Variants in AATF observed in about 807,000 individuals in gnomAD.
AATF encodes the protein protein AATF.
AATF carries 48 observed loss-of-function variants against 63.7 expected under a neutral mutation model. That is an observed-to-expected ratio of 0.75 (90% confidence interval 0.60 to 0.96). The LOEUF (loss-of-function observed/expected upper bound fraction) is 0.96. Among genes scored for constraint, AATF ranks in the 40% least tolerant of loss-of-function variants. The probability of loss-of-function intolerance (pLI) is 0.00; values close to 1 mark genes in which losing one functional copy is unlikely to be tolerated. For missense variants in AATF, 639 were observed against 685.7 expected, an observed-to-expected ratio of 0.93 and a Z score of 0.76; for synonymous variants, 258 against 247.7, an observed-to-expected ratio of 1.04 and a Z score of -0.39.
At position 37,056,727 on chromosome 17, in the gene AATF, G is replaced by C. The variant is rs2071802275; in HGVS notation, c.*63G>C. ...GGTGCGGCTGCTGGTCCAGATGGAG[G>C]AAACCAGTGACTTTATGGGGCTGAG... On this transcript the variant is annotated 3_prime_UTR_variant, in exon 12 of 12. Transcript: ENST00000619387. 1.3e-6 allele frequency: 2 copies of C among 1,548,762 alleles called. No individual in the cohort carries two copies. The highest frequency in any genetic ancestry group is 1.8e-6 in the Non-Finnish European group (2 of 1,122,442).
chr17:36,968,891 G>A (rs1351049763), intron 4 of AATF, among the ~76,000 whole-genome samples: 1 of 152,144 alleles, frequency 6.6e-6, no homozygotes, highest in African/African-American at 2.4e-5. Context: ...GCCTCCCAAA[G>A]CGCTGACATT....
intron 4 of AATF, among the ~76,000 whole-genome samples, chr17:36,985,406 C>A (rs2071160381): frequency 2.0e-5 from 3 of 151,288 alleles, no homozygotes; most frequent in Admixed American, 1.3e-4. Context: ...CACCAAGTAG[C>A]TGGAACTACA....
chr17:37,001,551 T>C (rs1415968215), intron 8 of AATF, among the ~76,000 whole-genome samples: 1 of 151,700 alleles, frequency 6.6e-6, no homozygotes, highest in Non-Finnish European at 1.5e-5. Context: ...AAGAATCAAT[T>C]AATGTATTAT....
At chr17:37,027,257 G>A (rs993634271) in intron 10 of AATF, among the ~76,000 whole-genome samples, 1 of 151,954 alleles carries the variant, frequency 6.6e-6, no homozygotes, top group African/African-American at 2.4e-5. Flanking sequence ...TAATGTAAAT[G>A]GATCAAACTC....
chr17:37,037,090 G>A (rs1342784889), intron 11 of AATF, among the ~76,000 whole-genome samples: 1 of 149,812 alleles, frequency 6.7e-6, no homozygotes, highest in Non-Finnish European at 1.5e-5. Context: ...CTCACTGCAA[G>A]CTCCGCCTCC....
At chr17:37,016,792 T>C (rs2071431951) in intron 8 of AATF, among the ~76,000 whole-genome samples, 1 of 151,880 alleles carries the variant, frequency 6.6e-6, no homozygotes, top group Non-Finnish European at 1.5e-5. Flanking sequence ...TTTGGGAAAA[T>C]AGTAATAGCC....
At chr17:37,008,121 G>A (rs190878882) in intron 8 of AATF, among the ~76,000 whole-genome samples, 56 of 152,320 alleles carry the variant, frequency 3.7e-4, no homozygotes, top group Admixed American at 1.7e-3. Context: ...TTGCTTGTTA[G>A]CAGCTGTGGC....
chr17:36,953,905 A>G lies in AATF; in HGVS notation c.830A>G (p.Asn277Ser). Residue 277 changes from asparagine to serine, a missense_variant and splice_region_variant, in exon 4 of 12, where the codon AAT (asparagine) becomes AGT (serine). Asn to Ser is a conservative substitution (Grantham distance 46). Transcript: ENST00000619387. ...GGPEFSSALK[N>S]SHKALKALLR... ...CCAGAATTTTCCAGTGCCCTGAAAA[A>G]TAGTAAGAATACTTATGTCCTGTTG... 1 of 1,613,434 alleles carries G rather than the reference A, an allele frequency of 6.2e-7. No individual in the cohort carries two copies. Among genetic ancestry groups the G allele is most frequent in the Non-Finnish European group, 8.5e-7 (1 of 1,179,838 alleles).
intron 4 of AATF, among the ~76,000 whole-genome samples, chr17:36,960,017 T>TC (rs2070933635): frequency 6.7e-6 from 1 of 150,022 alleles, no homozygotes. Flanking sequence ...TAGACTAAAA[T>TC]TTTTTTCCCC....
intron 4 of AATF, among the ~76,000 whole-genome samples, chr17:36,967,059 TTTTTTTG>T (rs1278895034): frequency 4.6e-5 from 7 of 152,180 alleles, no homozygotes; most frequent in Non-Finnish European, 8.8e-5. Context: ...TTGTTATATC[TTTTTTTG>T]TTTTTTGTTT....
chr17:36,992,750 TC>T (rs1446692872), intron 8 of AATF, among the ~76,000 whole-genome samples: 2 of 152,174 alleles, frequency 1.3e-5, no homozygotes, highest in African/African-American at 4.8e-5. Flanking sequence ...TCTTAGCTTT[TC>T]CCCTTGCTGG....
intron 4 of AATF, among the ~76,000 whole-genome samples, chr17:36,972,203 A>G (rs1203363640): frequency 6.6e-6 from 1 of 152,282 alleles, no homozygotes; most frequent in Admixed American, 6.5e-5. Flanking sequence ...CTTGAAATAT[A>G]TATCCTTGGT....
intron 10 of AATF, among the ~76,000 whole-genome samples, chr17:37,025,376 G>A (rs1346051863): frequency 1.3e-5 from 2 of 152,188 alleles, no homozygotes; most frequent in African/African-American, 4.8e-5. Flanking sequence ...TGTTTACCCA[G>A]GGAGGGTACG....
chr17:36,961,184 T>A lies in AATF; in HGVS notation c.832+7277T>A, dbSNP rs2070944205. ...TTTTAGGAGTTGAAGTATTCCTTTTTATAGATTTACTGCAATTTAGTTAAC... is the reference window on the plus strand; with the variant it reads ...TTTTAGGAGTTGAAGTATTCCTTTTAATAGATTTACTGCAATTTAGTTAAC... On this transcript the variant is annotated intron_variant, in intron 4 of 11. Transcript: ENST00000619387. Among the ~76,000 whole-genome samples the A allele has an allele frequency of 1.3e-5, 2 of 152,368 alleles. 1 individual carries two copies. Among genetic ancestry groups the A allele is most frequent in the Middle Eastern group, 6.8e-3 (2 of 294 alleles).
chr17:37,031,377 TC>T, intron 10 of AATF: 3 of 551,240 alleles, frequency 5.4e-6, no homozygotes, highest in Non-Finnish European at 3.3e-6. Context: ...AACTTGAGCA[TC>T]CGTGGATTTT....
chr17:37,056,665 C>T lies in AATF; in HGVS notation c.*1C>T. ...TCCCGACGAAGGCCACGGGGATTGA[C>T]ATCGCCCACCTCCGACACCCAGTGG... On this transcript the variant is annotated 3_prime_UTR_variant, in exon 12 of 12. Transcript: ENST00000619387. The T allele has an allele frequency of 6.2e-7, 1 of 1,614,220 alleles. No homozygotes were observed. The highest frequency in any genetic ancestry group is 8.5e-7 in the Non-Finnish European group (1 of 1,180,038).
intron 11 of AATF, among the ~76,000 whole-genome samples, chr17:37,050,437 A>G (rs775510312): frequency 1.3e-5 from 2 of 152,262 alleles, no homozygotes; most frequent in Non-Finnish European, 2.9e-5. Flanking sequence ...TACATCTAGT[A>G]CATGTTTAAG....
intron 11 of AATF, among the ~76,000 whole-genome samples, chr17:37,040,715 T>TGGGG (rs34017603): frequency 6.8e-6 from 1 of 147,006 alleles, no homozygotes; most frequent in African/African-American, 2.5e-5. Flanking sequence ...AAAACTTATT[T>TGGGG]GGGGGGGGGA....
At position 36,988,525 on chromosome 17, in the gene AATF, G is replaced by C. The variant is rs2071186526; in HGVS notation, c.954G>C (p.Glu318Asp). The change falls in exon 6 of 12, where the codon GAG becomes GAC. Residue 318 changes from glutamate (E) to aspartate (D), a missense_variant. Coordinates refer to ENST00000619387, the MANE Select transcript of AATF (RefSeq NM_012138.4). The stretch of plus-strand genomic sequence containing the variant: ...ATTCTTACTGCTTTTCTAGTGAGGA[G>C]ATTTCTAGTGAAGATGATGAGCTGG... ...DGTKPNAGSE[E>D]ISSEDDELVE... 6.2e-7 allele frequency: 1 copy of C among 1,613,964 alleles called. No homozygotes were observed. The highest frequency in any genetic ancestry group is 8.5e-7 in the Non-Finnish European group (1 of 1,179,970).
Sources: gnomAD v4.1 joint callset for allele counts (sites outside exome capture counted in the v4.1 genomes callset) on GRCh38, gnomAD v4.1.1 for gene constraint, MANE v1.5 for transcripts, NCBI Gene and HGNC (gene_info 2026-07-23, HGNC 2026-07-21) for gene names.